Variants in SOX5 observed in about 807,000 individuals in gnomAD.
The protein encoded by SOX5 is transcription factor SOX-5.
In SOX5, 9 loss-of-function variants were observed where a neutral mutation model predicts 92.0. The ratio of observed to expected loss-of-function variants is 0.10; its 90% CI spans 0.06 to 0.17. The LOEUF is 0.17. Among genes scored for constraint, SOX5 ranks in the 10% least tolerant of loss-of-function variants. The pLI, the probability that SOX5 is intolerant of heterozygous loss-of-function variation, is 1.00. For synonymous variants in SOX5, 344 were observed against 336.3 expected (o/e 1.02, Z -0.25); for missense variants, 642 against 944.5 (o/e 0.68, Z 4.20).
chr12:23,888,404 C>T (rs1012052661), intron 2 of SOX5, among the ~76,000 whole-genome samples: 1 of 145,998 alleles, frequency 6.8e-6, no homozygotes, highest in Non-Finnish European at 1.5e-5. Context: ...TCTCACAACT[C>T]CCATAGCACT....
intron 1 of SOX5, among the ~76,000 whole-genome samples, chr12:24,394,356 C>G (rs1959303778): frequency 6.6e-6 from 1 of 152,152 alleles, no homozygotes. Context: ...GCAAATCCTA[C>G]AGATTTCAGG....
At chr12:24,072,345 A>G (rs1361853210) in intron 4 of SOX5, among the ~76,000 whole-genome samples, 1 of 152,220 alleles carries the variant, frequency 6.6e-6, no homozygotes, top group East Asian at 1.9e-4. Context: ...ACAGATTGTC[A>G]TATAAAAGAT....
chr12:24,179,011 A>C (rs1955157499), intron 4 of SOX5, among the ~76,000 whole-genome samples: 1 of 152,256 alleles, frequency 6.6e-6, no homozygotes, highest in Non-Finnish European at 1.5e-5. Flanking sequence ...TATGGGATTT[A>C]CCATCTGCAG....
chr12:24,451,187 T>C (rs1271728445), intron 1 of SOX5, among the ~76,000 whole-genome samples: 1 of 152,228 alleles, frequency 6.6e-6, no homozygotes, highest in Non-Finnish European at 1.5e-5. Flanking sequence ...TCTTTATCCA[T>C]TCATATGTTG....
intron 3 of SOX5, among the ~76,000 whole-genome samples, chr12:23,843,814 A>G (rs1190755163): frequency 6.6e-6 from 1 of 151,826 alleles, no homozygotes; most frequent in African/African-American, 2.4e-5. Context: ...TCCACCTGCC[A>G]CGGCCTCCCA....
At chr12:23,977,947 T>C (rs1949099881) in intron 4 of SOX5, among the ~76,000 whole-genome samples, 1 of 152,190 alleles carries the variant, frequency 6.6e-6, no homozygotes, top group Non-Finnish European at 1.5e-5. Flanking sequence ...TAAGAAAATG[T>C]GTTGTGAATT....
intron 2 of SOX5, among the ~76,000 whole-genome samples, chr12:24,346,010 G>C (rs1271508152): frequency 6.6e-6 from 1 of 152,140 alleles, no homozygotes; most frequent in African/African-American, 2.4e-5. Context: ...CTGTCTCTAT[G>C]TTGGCTTATC....
At chr12:23,919,573 G>A (rs374030736) in intron 1 of SOX5, among the ~76,000 whole-genome samples, 5 of 152,050 alleles carry the variant, frequency 3.3e-5, no homozygotes, top group African/African-American at 1.2e-4. Context: ...TTATTTACCT[G>A]CCTACCTATC....
chr12:24,310,008 A>C (rs1949015045), intron 2 of SOX5, among the ~76,000 whole-genome samples: 1 of 152,166 alleles, frequency 6.6e-6, no homozygotes, highest in Non-Finnish European at 1.5e-5. Context: ...CAAATATTAT[A>C]AGGTAACTCT....
intron 4 of SOX5, among the ~76,000 whole-genome samples, chr12:23,998,661 G>T (rs930874096): frequency 6.6e-6 from 1 of 151,830 alleles, no homozygotes. Context: ...AATTAGCCGG[G>T]CATGGTGGCT....
chr12:24,416,208 T>A (rs1964989275), intron 1 of SOX5, among the ~76,000 whole-genome samples: 1 of 152,192 alleles, frequency 6.6e-6, no homozygotes, highest in Non-Finnish European at 1.5e-5. Flanking sequence ...CACATTTTCA[T>A]CTCAGGAGCT....
chr12:24,313,446 C>A lies in SOX5; in HGVS notation c.-173-36134G>T, dbSNP rs187182583. Among the ~76,000 whole-genome samples, 93 of 152,302 alleles carry A rather than the reference C, an allele frequency of 6.1e-4. No homozygotes were observed. The South Asian group carries it at 0.014, about 23-fold the overall frequency. On this transcript the variant is annotated intron_variant, in intron 2 of 4. Transcript: ENST00000446891. ...TCAGAAGGCTGAGGTGGAAGGATCA[C>A]TTGAGCCTAGCAGATCAAAGTTACA...
intron 2 of SOX5, among the ~76,000 whole-genome samples, chr12:24,291,056 G>A (rs1033847052): frequency 2.0e-5 from 3 of 152,108 alleles, no homozygotes; most frequent in Non-Finnish European, 2.9e-5. Context: ...GCAATAGGCA[G>A]TACTCAGTAT....
intron 1 of SOX5, among the ~76,000 whole-genome samples, chr12:23,901,428 G>A (rs2097231415): frequency 6.6e-6 from 1 of 152,096 alleles, no homozygotes; most frequent in Admixed American, 6.6e-5. Context: ...CAATAAAAAA[G>A]GTAATAATAT....
intron 2 of SOX5, among the ~76,000 whole-genome samples, chr12:24,299,723 C>T (rs1446558263): frequency 1.3e-5 from 2 of 152,056 alleles, no homozygotes; most frequent in African/African-American, 2.4e-5. Context: ...AAAAATAAAA[C>T]GAATTTATCC....
chr12:24,092,581 G>A (rs1017487584), intron 4 of SOX5, among the ~76,000 whole-genome samples: 1 of 152,070 alleles, frequency 6.6e-6, no homozygotes, highest in Admixed American at 6.6e-5. Flanking sequence ...CTAAGTCTTG[G>A]GTAGTAAATT....
intron 1 of SOX5, among the ~76,000 whole-genome samples, chr12:24,507,320 A>T (rs76134414): frequency 0.031 from 4,754 of 151,868 alleles, 99 homozygotes; most frequent in Non-Finnish European, 0.048. Context: ...AGATGGATGG[A>T]TAGACTATGG....
chr12:24,346,755 C>G (rs918261587), intron 2 of SOX5, among the ~76,000 whole-genome samples: 14 of 151,882 alleles, frequency 9.2e-5, no homozygotes, highest in African/African-American at 3.1e-4. Context: ...CTGGCTTTTT[C>G]TTTAATTGAC....
chr12:24,013,560 G>C (rs1003247562), intron 4 of SOX5, among the ~76,000 whole-genome samples: 1 of 152,118 alleles, frequency 6.6e-6, no homozygotes, highest in Non-Finnish European at 1.5e-5. Context: ...TGTGAAATTT[G>C]GTGATTTGTC....
Sources: gnomAD v4.1 joint callset for allele counts (sites outside exome capture counted in the v4.1 genomes callset) on GRCh38, gnomAD v4.1.1 for gene constraint, MANE v1.5 for transcripts, NCBI Gene and HGNC (gene_info 2026-07-23, HGNC 2026-07-21) for gene names.